AACS: variants seen among roughly 807,000 people sequenced by gnomAD.
AACS encodes acetoacetyl-CoA synthetase, also known as acetoacetate-CoA ligase.
AACS carries 69 observed loss-of-function variants against 83.1 expected under a neutral mutation model. The ratio of observed to expected loss-of-function variants is 0.83; its 90% CI spans 0.68 to 1.01. The LOEUF (loss-of-function observed/expected upper bound fraction) is 1.01, where lower values mean the gene tolerates loss of function less well. AACS is among the 50% of genes least tolerant of loss of function. The probability of loss-of-function intolerance (pLI) is 0.00; values close to 1 mark genes in which losing one functional copy is unlikely to be tolerated. For missense variants in AACS, 866 were observed against 882.2 expected (o/e 0.98, Z 0.23); for synonymous variants, 333 against 343.4 (o/e 0.97, Z 0.33).
intron 9 of AACS, among the ~76,000 whole-genome samples, chr12:125,116,390 CCACTAAGAAT>C (rs1565946467): frequency 6.6e-6 from 1 of 152,176 alleles, no homozygotes; most frequent in African/African-American, 2.4e-5. Context: ...AGGATCCTGT[CCACTAAGAAT>C]CAGGCAGTTA....
intron 4 of AACS, chr12:125,091,183 G>A: frequency 1.9e-6 from 1 of 531,162 alleles, no homozygotes; most frequent in Non-Finnish European, 3.4e-6. Flanking sequence ...GGGGAGCAGA[G>A]GGAGGAGAGC....
At chr12:125,134,122 G>C in intron 15 of AACS, 50 bp downstream of exon 15, 1 of 1,589,678 alleles carries the variant, frequency 6.3e-7, no homozygotes, top group Non-Finnish European at 8.6e-7. Context: ...ACCTTCCAGA[G>C]GCATGGGGGT....
Position 125,066,060 on chromosome 12 carries a change from G to A in AACS, c.133+343G>A, listed in dbSNP as rs573491186. ...TCCCTGGAGTCTTGACCTCCGGCCT[G>A]TGGGGGCTTCCCCCGGACATAGGGC... On this transcript the variant is annotated intron_variant, in intron 1 of 17. Transcript: ENST00000316519. Among the ~76,000 whole-genome samples the A allele has an allele frequency of 5.3e-5, 8 of 152,330 alleles. No individual in the cohort carries two copies. The East Asian group carries it at 1.2e-3, about 22-fold the overall frequency.
chr12:125,125,141 G>C, intron 12 of AACS, 117 bp downstream of exon 12: 1 of 1,445,904 alleles, frequency 6.9e-7, no homozygotes, highest in Non-Finnish European at 9.4e-7. Context: ...CAGCCAATAC[G>C]CACAGTCCCT....
intron 1 of AACS, among the ~76,000 whole-genome samples, chr12:125,072,950 T>A (rs2343543): frequency 3.8e-5 from 5 of 130,216 alleles, no homozygotes; most frequent in South Asian, 2.6e-4. Context: ...TTTTTTGAGA[T>A]GGAGTTTCGC....
At position 125,124,630 on chromosome 12, in the gene AACS, A is replaced by G. The variant is rs551247401; in HGVS notation, c.1122-75A>G. On this transcript the variant is annotated intron_variant, in intron 10 of 17. Transcript: ENST00000316519. ...GGTTTTGCAAACTTGTCAGAAATAA[A>G]TCACTAACTTTAGAAAGCTTTGGTG... 2.9e-5 allele frequency: 45 copies of G among 1,572,002 alleles called. No homozygotes were observed. The African/African-American group carries it at 6.1e-4, about 21-fold the overall frequency.
chr12:125,087,264 G>A (rs556436517), intron 4 of AACS, among the ~76,000 whole-genome samples: 2 of 152,284 alleles, frequency 1.3e-5, no homozygotes, highest in South Asian at 4.1e-4. Flanking sequence ...ACCTTGAGGC[G>A]TGGTTTGTCT....
Position 125,142,251 on chromosome 12 carries a change from C to G in AACS, c.*22C>G, listed in dbSNP as rs1461342224. 1.2e-6 allele frequency: 2 copies of G among 1,612,620 alleles called. No homozygotes were observed. The highest frequency in any genetic ancestry group is 1.7e-6 in the Non-Finnish European group (2 of 1,179,042). On this transcript the variant is annotated 3_prime_UTR_variant, in exon 18 of 18. Transcript: ENST00000316519. ...CTGAGTCAGACTGGCTGGCGTGTCACTCAGCCGCACCCGTGTGCACTGTAA... is the reference window on the plus strand; with the variant it reads ...CTGAGTCAGACTGGCTGGCGTGTCAGTCAGCCGCACCCGTGTGCACTGTAA...
Position 125,142,482 on chromosome 12 carries a change from G to C in AACS, c.*253G>C, listed in dbSNP as rs1957516389. ...GCAGGTGTGGCACTGTGGTGAGAGT[G>C]TGTGTCTTTGCACACACAGTGCAGC... On this transcript the variant is annotated 3_prime_UTR_variant, in exon 18 of 18. Coordinates refer to ENST00000316519, the MANE Select transcript of AACS (RefSeq NM_023928.5). The C allele has an allele frequency of 1.9e-6, 1 of 517,606 alleles. No homozygotes were observed. The highest frequency in any genetic ancestry group is 3.5e-6 in the Non-Finnish European group (1 of 289,706). 32.1% of individuals were successfully genotyped at this position (517,606 alleles called of 1,614,324 possible).
chr12:125,112,263 T>G (rs1372828907), intron 8 of AACS, among the ~76,000 whole-genome samples: 2 of 152,138 alleles, frequency 1.3e-5, no homozygotes, highest in African/African-American at 2.4e-5. Context: ...GGAGGCTGTC[T>G]CTTGACCCTG....
chr12:125,100,646 T>C (rs1228227947), intron 5 of AACS, among the ~76,000 whole-genome samples: 2 of 152,208 alleles, frequency 1.3e-5, no homozygotes, highest in Non-Finnish European at 2.9e-5. Flanking sequence ...TTCTCAAATT[T>C]TATCACACCT....
chr12:125,067,092 A>G (rs1322765246), intron 1 of AACS, among the ~76,000 whole-genome samples: 2 of 152,164 alleles, frequency 1.3e-5, no homozygotes, highest in Admixed American at 1.3e-4. Flanking sequence ...AGAAGTTCTC[A>G]GTGGTTCCTT....
At position 125,134,949 on chromosome 12, in the gene AACS, C is replaced by T. The variant is rs944028135; in HGVS notation, c.1678+97C>T. 72 of 1,386,456 alleles carry T rather than the reference C, an allele frequency of 5.2e-5. No homozygotes were observed. The East Asian group carries it at 1.6e-3, about 30-fold the overall frequency. 85.9% of individuals were successfully genotyped at this position (1,386,456 alleles called of 1,614,324 possible). The stretch of plus-strand genomic sequence containing the variant: ...GCCCCACCTTTGGCACAACTCTGGC[C>T]CCTTGTTCTCTGGTGTGACAGTGGA... On this transcript the variant is annotated intron_variant, in intron 16 of 17. Transcript: ENST00000316519.
At chr12:125,087,103 T>C (rs1956356664) in intron 4 of AACS, among the ~76,000 whole-genome samples, 1 of 152,114 alleles carries the variant, frequency 6.6e-6, no homozygotes, top group African/African-American at 2.4e-5. Flanking sequence ...AAAGGCCTCG[T>C]CCACTTTCTT....
intron 3 of AACS, among the ~76,000 whole-genome samples, chr12:125,077,677 C>T (rs1270507114): frequency 6.6e-6 from 1 of 151,808 alleles, no homozygotes; most frequent in East Asian, 1.9e-4. Flanking sequence ...AAACAGTTGA[C>T]AATCTATATT....
In AACS at chr12:125,097,423, A is replaced by G. The variant is rs1956631627; in HGVS notation, c.571-5256A>G. Among the ~76,000 whole-genome samples the G allele has an allele frequency of 7.0e-6, 1 of 143,218 alleles. No individual in the cohort carries two copies. Among genetic ancestry groups the G allele is most frequent in the Admixed American group, 7.2e-5 (1 of 13,976 alleles). 94.0% of individuals were successfully genotyped at this position (143,218 alleles called of 152,430 possible). On this transcript the variant is annotated intron_variant, in intron 5 of 17. Coordinates refer to ENST00000316519, the MANE Select transcript of AACS (RefSeq NM_023928.5). This position sits in a 1 kb window ranked among gnomAD's most constrained non-coding sequence, Gnocchi z 4.3. Reference sequence around the variant, plus strand: ...TTTAAACTGATGCTGAAGTTGGCCAATGTTTTACTTAAAAAAAAAAAAAAA... The same window carrying G: ...TTTAAACTGATGCTGAAGTTGGCCAGTGTTTTACTTAAAAAAAAAAAAAAA...
chr12:125,067,602 C>T (rs922725099), intron 1 of AACS, among the ~76,000 whole-genome samples: 2 of 151,940 alleles, frequency 1.3e-5, no homozygotes, highest in Non-Finnish European at 2.9e-5. Context: ...GGCGCAATCT[C>T]GGCTCATTGC....
At chr12:125,121,116 C>T (rs772254259) in intron 10 of AACS, 3 of 152,240 alleles carry the variant, frequency 2.0e-5, no homozygotes, top group Non-Finnish European at 4.4e-5. Context: ...GTCGTGCTGT[C>T]GCAGGGCTCC....
At chr12:125,076,000 T>G (rs990839739) in intron 2 of AACS, among the ~76,000 whole-genome samples, 4 of 152,206 alleles carry the variant, frequency 2.6e-5, no homozygotes, top group Non-Finnish European at 4.4e-5. Context: ...CAAAGTCGAA[T>G]TTATTGTCTC....
Sources: allele counts gnomAD v4.1 joint callset (sites outside exome capture counted in the v4.1 genomes callset), GRCh38; gene constraint gnomAD v4.1.1; non-coding constraint Gnocchi (gnomAD v3.1); transcripts MANE v1.5; gene names NCBI Gene and HGNC (gene_info 2026-07-23, HGNC 2026-07-21).